The following ELMOD2 variants were observed in gnomAD, a reference collection of about 807,000 sequenced individuals.
ELMOD2 encodes ELMO domain-containing protein 2.
ELMOD2 carries 28 observed loss-of-function variants against 41.0 expected under a neutral mutation model. The ratio of observed to expected loss-of-function variants is 0.68; its 90% CI spans 0.51 to 0.94. The LOEUF (loss-of-function observed/expected upper bound fraction) is 0.94, where lower values mean the gene tolerates loss of function less well. Ranked by LOEUF, ELMOD2 falls within the 40% of genes least tolerant of loss-of-function variation. The probability of loss-of-function intolerance (pLI) is 0.00; values close to 1 mark genes in which losing one functional copy is unlikely to be tolerated. For synonymous variants in ELMOD2, 106 were observed against 107.2 expected, an observed-to-expected ratio of 0.99 and a Z score of 0.07; for missense variants, 333 against 343.1, an observed-to-expected ratio of 0.97 and a Z score of 0.23.
intron 1 of ELMOD2, 113 bp from the exon 2 acceptor site, chr4:140,525,307 C>T: frequency 8.7e-7 from 1 of 1,155,174 alleles, no homozygotes; most frequent in Non-Finnish European, 1.2e-6. Flanking sequence ...TCAAAACAGA[C>T]ACAATGAAAT....
At chr4:140,532,768 A>G (rs1003580454) in intron 3 of ELMOD2, among the ~76,000 whole-genome samples, 3 of 152,194 alleles carry the variant, frequency 2.0e-5, no homozygotes, top group African/African-American at 7.2e-5. Context: ...TAGAGATCCT[A>G]AGTAGTGCAA....
At chr4:140,548,059 A>G (rs1735349017) in intron 8 of ELMOD2, among the ~76,000 whole-genome samples, 1 of 152,134 alleles carries the variant, frequency 6.6e-6, no homozygotes, top group Non-Finnish European at 1.5e-5. Context: ...ACACTGATTT[A>G]TATTATAGAT....
chr4:140,549,156 C>T (rs1735386444), intron 8 of ELMOD2, among the ~76,000 whole-genome samples: 1 of 152,096 alleles, frequency 6.6e-6, no homozygotes, highest in South Asian at 2.1e-4. Flanking sequence ...AGTTTTTACT[C>T]ATTTTGGTCT....
intron 5 of ELMOD2, 133 bp from the exon 6 acceptor site, chr4:140,540,035 G>C: frequency 1.9e-6 from 2 of 1,036,164 alleles, no homozygotes; most frequent in Non-Finnish European, 2.7e-6. Flanking sequence ...GCGTGTTTTA[G>C]GATAATTGAA....
chr4:140,548,884 C>T (rs1201961593), intron 8 of ELMOD2, among the ~76,000 whole-genome samples: 1 of 151,998 alleles, frequency 6.6e-6, no homozygotes, highest in African/African-American at 2.4e-5. Flanking sequence ...ATATGATAAA[C>T]TGCACATATT....
At chr4:140,533,472 T>C (rs1252301959) in intron 3 of ELMOD2, among the ~76,000 whole-genome samples, 1 of 152,092 alleles carries the variant, frequency 6.6e-6, no homozygotes, top group Non-Finnish European at 1.5e-5. Context: ...AAAAGAAACC[T>C]CAACTTCAAT....
Position 140,549,594 on chromosome 4 carries a change from A to G in ELMOD2, c.737-636A>G, listed in dbSNP as rs562007737. On this transcript the variant is annotated intron_variant, in intron 8 of 8. Coordinates refer to ENST00000323570, the MANE Select transcript of ELMOD2 (RefSeq NM_153702.4). ...AATAACTTTCCTACACTTTAACCTTATCCAACATTTTTTCGTTACTTGCAT... is the reference window on the plus strand; with the variant it reads ...AATAACTTTCCTACACTTTAACCTTGTCCAACATTTTTTCGTTACTTGCAT... Among the ~76,000 whole-genome samples the G allele has an allele frequency of 2.0e-5, 3 of 148,790 alleles. 1 individual carries two copies. The South Asian group carries it at 6.5e-4, about 32-fold the overall frequency.
intron 3 of ELMOD2, among the ~76,000 whole-genome samples, chr4:140,534,642 G>A (rs1282430779): frequency 6.6e-6 from 1 of 152,168 alleles, no homozygotes; most frequent in African/African-American, 2.4e-5. Context: ...ATTTATATAT[G>A]CCTTGGGCAA....
chr4:140,537,890 A>G (rs1734983730), intron 5 of ELMOD2, among the ~76,000 whole-genome samples: 1 of 151,814 alleles, frequency 6.6e-6, no homozygotes, highest in African/African-American at 2.4e-5. Context: ...TTTTTCTCCT[A>G]CTTTTTATAC....
intron 5 of ELMOD2, 108 bp from the exon 6 acceptor site, chr4:140,540,060 C>G (rs1735057574): frequency 7.7e-7 from 1 of 1,298,434 alleles, no homozygotes; most frequent in South Asian, 1.7e-5. Context: ...GTTCTAAAGT[C>G]TTTGCTTAAC....
chr4:140,538,672 GAATT>G (rs1735008261), intron 5 of ELMOD2, among the ~76,000 whole-genome samples: 1 of 152,054 alleles, frequency 6.6e-6, no homozygotes, highest in African/African-American at 2.4e-5. Context: ...CTAGTCCAGG[GAATT>G]TTACCTTGGT....
At chr4:140,526,427 T>A (rs1426853581) in intron 2 of ELMOD2, among the ~76,000 whole-genome samples, 1 of 152,220 alleles carries the variant, frequency 6.6e-6, no homozygotes, top group East Asian at 1.9e-4. Flanking sequence ...AGAACTGTGT[T>A]TTGAAGTCGC....
rs551870214 is a variant in ELMOD2 at position 140,525,541 on chromosome 4, A to G, written c.113A>G (p.Tyr38Cys). The stretch of plus-strand genomic sequence containing the variant: ...GAATTGCAGCGAATATTTGATACCT[A>G]TGTAGGTGCACAAAGGACACACAGG... ...KCELQRIFDT[Y>C]VGAQRTHRIE... Residue 38 changes from tyrosine to cysteine, a missense_variant, in exon 2 of 9, where the codon TAT becomes TGT. Tyr to Cys is a radical substitution (Grantham distance 194). Transcript: ENST00000323570. 4.7e-5 allele frequency: 76 copies of G among 1,613,444 alleles called. 2 individuals are homozygous for G. In the South Asian group the frequency reaches 7.4e-4, roughly 16 times the overall value.
In ELMOD2 at chr4:140,525,337, A is replaced by C. The variant is rs1039937031; in HGVS notation, c.-9-83A>C. ...TGAAATGATAGATACATAATTTGAG[A>C]TTTGATCAGTTGTATAAACTTTTTA... is the stretch of plus-strand genomic sequence containing the variant. On this transcript the variant is annotated intron_variant, in intron 1 of 8. Coordinates refer to ENST00000323570, the MANE Select transcript of ELMOD2 (RefSeq NM_153702.4). 2.4e-4 allele frequency: 320 copies of C among 1,359,170 alleles called. 1 individual carries two copies. The highest frequency in any genetic ancestry group is 2.0e-4 in the Non-Finnish European group (198 of 1,003,394). The allele number at this position is 1,359,170 out of a possible 1,614,324, so 84.2% of individuals were successfully genotyped here.
intron 8 of ELMOD2, among the ~76,000 whole-genome samples, chr4:140,549,996 A>G (rs1735419672): frequency 6.6e-6 from 1 of 152,170 alleles, no homozygotes; most frequent in South Asian, 2.1e-4. Flanking sequence ...TGAAAGTACT[A>G]TATCTTTTAA....
At chr4:140,545,374 T>C (rs1177988352) in intron 8 of ELMOD2, among the ~76,000 whole-genome samples, 1 of 152,162 alleles carries the variant, frequency 6.6e-6, no homozygotes, top group East Asian at 1.9e-4. Context: ...TCTTTAGCCC[T>C]CATACTTTTC....
Position 140,525,449 on chromosome 4 carries a change from G to T in ELMOD2, c.21G>T (p.Glu7Asp). 1 of 1,613,656 alleles carries T rather than the reference G, an allele frequency of 6.2e-7. No homozygotes were observed. Among genetic ancestry groups the T allele is most frequent in the Non-Finnish European group, 8.5e-7 (1 of 1,179,850 alleles). The change falls in exon 2 of 9, where the codon GAG becomes GAT. Residue 7 changes from glutamate (E) to aspartate (D), a missense_variant. Glu to Asp is a conservative substitution (Grantham distance 45, BLOSUM62 2). Transcript: ENST00000323570. MFISLW[E>D]FFYGHFFRFW... ...AAAAAATGTTTATTTCTTTGTGGGAGTTCTTCTATGGGCACTTTTTTCGAT... is the reference window on the plus strand; with the variant it reads ...AAAAAATGTTTATTTCTTTGTGGGATTTCTTCTATGGGCACTTTTTTCGAT...
chr4:140,529,590 A>G (rs1463310545), intron 3 of ELMOD2, among the ~76,000 whole-genome samples: 1 of 152,148 alleles, frequency 6.6e-6, no homozygotes, highest in Non-Finnish European at 1.5e-5. Context: ...GACTTTATCT[A>G]CTACTGTTCT....
chr4:140,535,206 CTATTTT>C (rs1734881103), intron 3 of ELMOD2, among the ~76,000 whole-genome samples: 3 of 149,448 alleles, frequency 2.0e-5, no homozygotes, highest in African/African-American at 7.4e-5. Flanking sequence ...ACTAAGGACT[CTATTTT>C]TATTTTTCTT....
Sources: gnomAD v4.1 joint callset for allele counts (sites outside exome capture counted in the v4.1 genomes callset) on GRCh38, gnomAD v4.1.1 for gene constraint, MANE v1.5 for transcripts, NCBI Gene and HGNC (gene_info 2026-07-23, HGNC 2026-07-21) for gene names.